MIPOL1: variants seen among roughly 807,000 people sequenced by gnomAD.
MIPOL1 encodes mirror-image polydactyly gene 1 protein.
A neutral mutation model predicts 60.9 loss-of-function variants in MIPOL1; 57 were observed. The ratio of observed to expected loss-of-function variants is 0.94; its 90% CI spans 0.76 to 1.17. The LOEUF (loss-of-function observed/expected upper bound fraction) is 1.17. Ranked by LOEUF, MIPOL1 falls within the 50% of genes most tolerant of loss-of-function variation. The pLI is 0.00. For missense variants in MIPOL1, 551 were observed against 511.6 expected (o/e 1.08, Z -0.74); for synonymous variants, 179 against 168.8 (o/e 1.06, Z -0.47).
At chr14:37,299,507 T>C (rs1379195988) in intron 7 of MIPOL1, among the ~76,000 whole-genome samples, 1 of 152,098 alleles carries the variant, frequency 6.6e-6, no homozygotes, top group East Asian at 1.9e-4. Flanking sequence ...TTTGGTTAAG[T>C]TGCATATTCT....
chr14:37,248,060 A>T (rs906487501), intron 3 of MIPOL1, among the ~76,000 whole-genome samples, 153 bp downstream of exon 3: 1 of 151,984 alleles, frequency 6.6e-6, no homozygotes, highest in Non-Finnish European at 1.5e-5. Context: ...CCCAGGGATT[A>T]TGAAAGAGAT....
chr14:37,358,671 T>C (rs1043687834), intron 9 of MIPOL1, among the ~76,000 whole-genome samples: 1 of 152,176 alleles, frequency 6.6e-6, no homozygotes, highest in African/African-American at 2.4e-5. Flanking sequence ...TTTGCCCACT[T>C]TTTCACGGGG....
chr14:37,375,859 A>G (rs1186732733), intron 10 of MIPOL1, among the ~76,000 whole-genome samples: 2 of 151,342 alleles, frequency 1.3e-5, no homozygotes, highest in Non-Finnish European at 2.9e-5. Context: ...GTAGGCAGTT[A>G]CTCCTGTGAC....
chr14:37,551,056 A>T lies in MIPOL1; in HGVS notation c.*4085A>T, dbSNP rs1305482539. On this transcript the variant is annotated 3_prime_UTR_variant, in exon 13 of 13. Coordinates refer to ENST00000684589, the MANE Select transcript of MIPOL1 (RefSeq NM_001388067.1). ...GAGAATCATTAAAATGTATACAATG[A>T]TATTCCTTTGCAGAAGTCTTAATAT... 1 of 152,238 alleles carries T rather than the reference A, an allele frequency of 6.6e-6. No homozygotes were observed. The highest frequency in any genetic ancestry group is 2.4e-5 in the African/African-American group (1 of 41,574). 9.4% of individuals were successfully genotyped at this position (152,238 alleles called of 1,614,324 possible).
chr14:37,446,178 A>G (rs1472681498), intron 11 of MIPOL1, among the ~76,000 whole-genome samples: 5 of 152,228 alleles, frequency 3.3e-5, no homozygotes, highest in Non-Finnish European at 7.3e-5. Flanking sequence ...TACTCATCTG[A>G]CAAAGGGCTG....
chr14:37,456,848 A>T (rs2094481682), intron 11 of MIPOL1, among the ~76,000 whole-genome samples: 1 of 152,158 alleles, frequency 6.6e-6, no homozygotes, highest in Non-Finnish European at 1.5e-5. Context: ...TTATAAAAAT[A>T]TAGAATCTTT....
intron 7 of MIPOL1, among the ~76,000 whole-genome samples, chr14:37,301,048 C>CAT (rs370812184): frequency 0.37 from 5,087 of 13,568 alleles, 2,360 homozygotes; most frequent in African/African-American, 0.45. Flanking sequence ...AATACACACA[C>CAT]ATATATATAT....
At chr14:37,405,557 A>G (rs1286637386) in intron 10 of MIPOL1, among the ~76,000 whole-genome samples, 3 of 152,130 alleles carry the variant, frequency 2.0e-5, no homozygotes, top group African/African-American at 7.2e-5. Flanking sequence ...CTTTTAAATT[A>G]GATAACTTTG....
At chr14:37,289,967 A>G (rs1018549264) in intron 7 of MIPOL1, among the ~76,000 whole-genome samples, 1 of 152,178 alleles carries the variant, frequency 6.6e-6, no homozygotes, top group Non-Finnish European at 1.5e-5. Context: ...ATGACCAAAT[A>G]TGTATTTCAC....
chr14:37,354,331 G>A (rs925610250), intron 9 of MIPOL1, among the ~76,000 whole-genome samples: 3 of 117,142 alleles, frequency 2.6e-5, no homozygotes, highest in Admixed American at 1.0e-4. Context: ...TTCCAAGTAT[G>A]CGGTCAATTT....
In MIPOL1 at chr14:37,316,890, A is replaced by G. The variant is rs1348552501; in HGVS notation, c.828+8371A>G. On this transcript the variant is annotated intron_variant, in intron 9 of 12. Transcript: ENST00000684589. ...CTACTTGGGAGGCTGAGGCAGGAGAATCGCTTGAACCCAGGAGGCGGAGGT... is the reference window on the plus strand; with the variant it reads ...CTACTTGGGAGGCTGAGGCAGGAGAGTCGCTTGAACCCAGGAGGCGGAGGT... Among the ~76,000 whole-genome samples, 4 of 152,160 alleles carry G rather than the reference A, an allele frequency of 2.6e-5. No individual in the cohort carries two copies. The South Asian group carries it at 8.3e-4, about 32-fold the overall frequency.
chr14:37,493,372 T>C (rs926145784), intron 11 of MIPOL1, among the ~76,000 whole-genome samples: 2 of 152,034 alleles, frequency 1.3e-5, no homozygotes, highest in African/African-American at 4.8e-5. Context: ...TAAGCTGAGG[T>C]GGCATAGAGA....
chr14:37,246,341 G>A (rs1490355281), intron 1 of MIPOL1, among the ~76,000 whole-genome samples: 1 of 152,048 alleles, frequency 6.6e-6, no homozygotes, highest in Non-Finnish European at 1.5e-5. Context: ...TTGGGACTCA[G>A]AGCTTTATTG....
chr14:37,290,633 GTT>G (rs1204140535), intron 7 of MIPOL1, among the ~76,000 whole-genome samples: 1 of 152,140 alleles, frequency 6.6e-6, no homozygotes, highest in African/African-American at 2.4e-5. Flanking sequence ...CTTTAATAAG[GTT>G]TTAGGGACCA....
chr14:37,522,821 T>C (rs2095422942), intron 12 of MIPOL1, among the ~76,000 whole-genome samples: 1 of 152,098 alleles, frequency 6.6e-6, no homozygotes, highest in Admixed American at 6.6e-5. Context: ...ATAATAAAAA[T>C]GTTTGCATCC....
intron 1 of MIPOL1, among the ~76,000 whole-genome samples, chr14:37,244,390 G>T (rs1268126837): frequency 2.0e-5 from 3 of 151,522 alleles, no homozygotes; most frequent in Non-Finnish European, 4.4e-5. Context: ...CAAAGTGCTG[G>T]GATTACAGGC....
intron 10 of MIPOL1, among the ~76,000 whole-genome samples, chr14:37,418,280 G>A (rs2093807329): frequency 6.6e-6 from 1 of 152,128 alleles, no homozygotes; most frequent in Non-Finnish European, 1.5e-5. Context: ...TGTGAACAGT[G>A]TGGTCTTTTC....
chr14:37,414,100 T>A lies in MIPOL1; in HGVS notation c.937-8755T>A, dbSNP rs1323401150. ...AGTTTTTGTATTGTGAATAAAGGAT[T>A]ATTAACCTATATAATTTTAATGACT... On this transcript the variant is annotated intron_variant, in intron 10 of 12. Transcript: ENST00000684589. Among the ~76,000 whole-genome samples the A allele has an allele frequency of 2.6e-5, 4 of 152,280 alleles. No homozygotes were observed. The South Asian group carries it at 6.2e-4, about 24-fold the overall frequency.
chr14:37,473,393 GGTATTATTTTATA>G (rs1403745207), intron 11 of MIPOL1, among the ~76,000 whole-genome samples: 8 of 152,038 alleles, frequency 5.3e-5, no homozygotes, highest in African/African-American at 1.7e-4. Flanking sequence ...CCCCGCCTCA[GGTATTATTTTATA>G]GCAACACAAA....
Sources: gnomAD v4.1 joint callset for allele counts (sites outside exome capture counted in the v4.1 genomes callset) on GRCh38, gnomAD v4.1.1 for gene constraint, MANE v1.5 for transcripts, NCBI Gene and HGNC (gene_info 2026-07-23, HGNC 2026-07-21) for gene names.